The following GRM5 variants were observed in gnomAD, a reference collection of about 807,000 sequenced individuals.
GRM5 encodes glutamate metabotropic receptor 5.
In GRM5, 19 loss-of-function variants were observed where a neutral mutation model predicts 83.1. That is an observed-to-expected ratio of 0.23 (90% CI 0.16 to 0.34). The LOEUF (loss-of-function observed/expected upper bound fraction) is 0.34, where lower values mean the gene tolerates loss of function less well. Among genes scored for constraint, GRM5 ranks in the 10% least tolerant of loss-of-function variants. The pLI, the probability that GRM5 is intolerant of heterozygous loss-of-function variation, is 1.00. For synonymous variants in GRM5, 675 were observed against 633.6 expected (o/e 1.07, Z -0.98); for missense variants, 1,160 against 1,588.3 (o/e 0.73, Z 4.58).
intron 9 of GRM5, among the ~76,000 whole-genome samples, chr11:88,517,666 G>A (rs1016637805): frequency 6.6e-6 from 1 of 152,090 alleles, no homozygotes; most frequent in African/African-American, 2.4e-5. Context: ...ACTAAAAGTA[G>A]AAAGTATTCC....
chr11:88,818,972 GT>G (rs1022506994), intron 3 of GRM5, among the ~76,000 whole-genome samples: 6 of 152,172 alleles, frequency 3.9e-5, no homozygotes, highest in Non-Finnish European at 7.3e-5. Flanking sequence ...AATATGTCCA[GT>G]TTTTCCATCA....
At chr11:88,610,424 T>A (rs1938281671) in intron 4 of GRM5, among the ~76,000 whole-genome samples, 1 of 152,130 alleles carries the variant, frequency 6.6e-6, no homozygotes, top group African/African-American at 2.4e-5. Flanking sequence ...TTACAGAGAT[T>A]TTTCACTTCC....
chr11:88,526,219 T>C (rs1267012926), intron 8 of GRM5, among the ~76,000 whole-genome samples: 5 of 152,212 alleles, frequency 3.3e-5, no homozygotes, highest in Non-Finnish European at 5.9e-5. Context: ...ATATTTCATC[T>C]AAAATAAGTG....
chr11:88,786,341 G>T (rs1328990177), intron 3 of GRM5, among the ~76,000 whole-genome samples: 1 of 152,072 alleles, frequency 6.6e-6, no homozygotes, highest in Non-Finnish European at 1.5e-5. Flanking sequence ...ATGAATTTGA[G>T]GTGGTACCTC....
intron 4 of GRM5, among the ~76,000 whole-genome samples, chr11:88,637,096 T>C (rs911573751): frequency 2.0e-5 from 3 of 152,118 alleles, no homozygotes; most frequent in African/African-American, 7.2e-5. Flanking sequence ...AAGAAAGTCA[T>C]TGGTAGCTTG....
chr11:88,743,490 A>T (rs989978699), intron 3 of GRM5, among the ~76,000 whole-genome samples: 1 of 152,240 alleles, frequency 6.6e-6, no homozygotes, highest in South Asian at 2.1e-4. Context: ...TGCTGGATTA[A>T]GTTCAGGGTG....
At chr11:88,926,558 A>C (rs1461430647) in intron 2 of GRM5, among the ~76,000 whole-genome samples, 1 of 152,136 alleles carries the variant, frequency 6.6e-6, no homozygotes, top group African/African-American at 2.4e-5. Context: ...TATTTGCTTA[A>C]AGACTACTTT....
chr11:88,869,129 G>A (rs887775508), intron 2 of GRM5, among the ~76,000 whole-genome samples: 15 of 151,632 alleles, frequency 9.9e-5, no homozygotes, highest in Non-Finnish European at 1.5e-5. Flanking sequence ...AGCCAATGTG[G>A]CTCCTTTTTT....
At chr11:88,597,402 G>T (rs763602918) in intron 5 of GRM5, 50 bp from the exon 6 acceptor site, 5 of 974,684 alleles carry the variant, frequency 5.1e-6, no homozygotes, top group Non-Finnish European at 7.5e-6. Context: ...TAAATACTCA[G>T]CTTTGAAAAG....
chr11:88,951,277 A>T (rs1938454210), intron 2 of GRM5, among the ~76,000 whole-genome samples: 1 of 152,232 alleles, frequency 6.6e-6, no homozygotes, highest in Non-Finnish European at 1.5e-5. Context: ...TTACTGTAAG[A>T]ACTATGAGGT....
At chr11:88,857,557 T>C (rs1944497292) in intron 2 of GRM5, among the ~76,000 whole-genome samples, 2 of 152,054 alleles carry the variant, frequency 1.3e-5, no homozygotes. Flanking sequence ...AGCTTGACAG[T>C]GAAGCACCTC....
intron 3 of GRM5, among the ~76,000 whole-genome samples, chr11:88,752,218 C>G (rs11021181): frequency 0.053 from 8,063 of 152,098 alleles, 399 homozygotes; most frequent in Admixed American, 0.16. Flanking sequence ...AGTCTCAGCA[C>G]AAAAGTTTAT....
chr11:89,021,072 A>G (rs1819539624), intron 2 of GRM5, among the ~76,000 whole-genome samples: 1 of 152,204 alleles, frequency 6.6e-6, no homozygotes, highest in Non-Finnish European at 1.5e-5. Context: ...AGTTATCTTT[A>G]CACAACTTCA....
At chr11:88,577,725 C>A (rs1394784182) in intron 7 of GRM5, among the ~76,000 whole-genome samples, 1 of 151,972 alleles carries the variant, frequency 6.6e-6, no homozygotes, top group Non-Finnish European at 1.5e-5. Context: ...AAGAGAAACA[C>A]AGACATAGAG....
Position 88,841,063 on chromosome 11 carries a change from A to G in GRM5, c.911+8843T>C, listed in dbSNP as rs372011394. ...TGTGTAGATAAGAAAAGTCATGATC[A>G]TAATAAACCTGACTGTATTGTCAAA... On this transcript the variant is annotated intron_variant, in intron 3 of 9. Transcript: ENST00000305447. Among the ~76,000 whole-genome samples, 69 of 152,164 alleles carry G rather than the reference A, an allele frequency of 4.5e-4. 1 individual carries two copies. Among genetic ancestry groups the G allele is most frequent in the African/African-American group, 1.6e-3 (68 of 41,518 alleles).
intron 8 of GRM5, among the ~76,000 whole-genome samples, chr11:88,543,129 T>C (rs977893052): frequency 6.6e-6 from 1 of 152,068 alleles, no homozygotes; most frequent in Non-Finnish European, 1.5e-5. Context: ...AGAACTAAAA[T>C]GGAAAATGCC....
chr11:88,736,546 T>C (rs964594121), intron 3 of GRM5, among the ~76,000 whole-genome samples: 2 of 152,080 alleles, frequency 1.3e-5, no homozygotes, highest in African/African-American at 2.4e-5. Context: ...ATGTCTCTTA[T>C]TACATAGTAG....
At chr11:88,885,399 T>A (rs1156444790) in intron 2 of GRM5, among the ~76,000 whole-genome samples, 6 of 150,100 alleles carry the variant, frequency 4.0e-5, no homozygotes, top group African/African-American at 7.4e-5. Context: ...CTTTGATTTT[T>A]AAATTACAGT....
At chr11:88,631,953 G>T (rs528229339) in intron 4 of GRM5, among the ~76,000 whole-genome samples, 1 of 152,110 alleles carries the variant, frequency 6.6e-6, no homozygotes, top group Non-Finnish European at 1.5e-5. Flanking sequence ...AGGACAAATA[G>T]ATATTTGTCC....
Sources: gnomAD v4.1 joint callset for allele counts (sites outside exome capture counted in the v4.1 genomes callset) on GRCh38, gnomAD v4.1.1 for gene constraint, MANE v1.5 for transcripts, NCBI Gene and HGNC (gene_info 2026-07-23, HGNC 2026-07-21) for gene names.